ASMTL: variants seen among roughly 807,000 people sequenced by gnomAD.
The protein encoded by ASMTL is acetylserotonin O-methyltransferase like, also known as probable bifunctional dTTP/UTP pyrophosphatase/methyltransferase protein.
A neutral mutation model predicts 60.3 loss-of-function variants in ASMTL; 57 were observed. That is an observed-to-expected ratio of 0.95 (90% CI 0.76 to 1.18). ASMTL has a LOEUF of 1.18. Among genes scored for constraint, ASMTL ranks in the 50% most tolerant of loss-of-function variants. The probability of loss-of-function intolerance (pLI) is 0.00; values close to 1 mark genes in which losing one functional copy is unlikely to be tolerated. For missense variants in ASMTL, 981 were observed against 852.6 expected, an observed-to-expected ratio of 1.15 and a Z score of -1.88; for synonymous variants, 419 against 373.0, an observed-to-expected ratio of 1.12 and a Z score of -1.42.
chrX:1,452,709 C>A, intron 1 of ASMTL, 39 bp downstream of exon 1: 1 of 1,529,140 alleles, frequency 6.5e-7, no homozygotes, highest in Non-Finnish European at 8.8e-7. Flanking sequence ...TCAGCCCCTC[C>A]GTCCCCGGTC....
At chrX:1,445,900 G>A (rs1362980573) in intron 1 of ASMTL, among the ~76,000 whole-genome samples, 2 of 152,014 alleles carry the variant, frequency 1.3e-5, no homozygotes, top group East Asian at 1.9e-4. Context: ...ATGCCCAGAC[G>A]GGGTCACCAA....
chrX:1,422,497 T>C (rs2090508416), intron 8 of ASMTL, among the ~76,000 whole-genome samples: 1 of 152,096 alleles, frequency 6.6e-6, no homozygotes, highest in Non-Finnish European at 1.5e-5. Flanking sequence ...CCCCAAATGA[T>C]ACAGGGAACT....
chrX:1,406,405 T>C (rs1363899773), intron 12 of ASMTL, among the ~76,000 whole-genome samples: 1 of 151,136 alleles, frequency 6.6e-6, no homozygotes, highest in Non-Finnish European at 1.5e-5. Flanking sequence ...GATGAATGGA[T>C]GGATAGATGG....
At chrX:1,407,329 GGATA>G (rs2089900934) in intron 12 of ASMTL, among the ~76,000 whole-genome samples, 1 of 151,400 alleles carries the variant, frequency 6.6e-6, no homozygotes, top group East Asian at 1.9e-4. Flanking sequence ...ATGAATGGAT[GGATA>G]GATGGATGAG....
At position 1,421,628 on chromosome X, in the gene ASMTL, G is replaced by A. The variant is rs181570683; in HGVS notation, c.1245+30C>T. The A allele has an allele frequency of 4.3e-3, 6,988 of 1,612,748 alleles. 42 individuals are homozygous for A. The highest frequency in any genetic ancestry group is 5.7e-3 in the South Asian group (519 of 91,028). On this transcript the variant is annotated intron_variant, in intron 9 of 12. Coordinates refer to ENST00000381317, the MANE Select transcript of ASMTL (RefSeq NM_004192.4). ...TGTTTTAGCAAAATGCACGCTAGAC[G>A]GAAAGGTGTCCGCGGGGGTGTTATG...
chrX:1,413,509 G>T (rs1221014298), intron 11 of ASMTL, among the ~76,000 whole-genome samples: 2 of 152,236 alleles, frequency 1.3e-5, no homozygotes, highest in Admixed American at 1.3e-4. Context: ...GGCGCCCCAG[G>T]AGGGTTGCCT....
chrX:1,405,849 A>G (rs1354317766), intron 12 of ASMTL, among the ~76,000 whole-genome samples: 1 of 150,530 alleles, frequency 6.6e-6, no homozygotes, highest in Non-Finnish European at 1.5e-5. Context: ...GTACATAGGT[A>G]GATGGATGGA....
upstream of ASMTL, chrX:1,453,468 G>C (rs1164571433): frequency 6.3e-6 from 1 of 159,474 alleles, no homozygotes; most frequent in African/African-American, 2.4e-5. Context: ...GCGGCGCCAA[G>C]ACCTGCAATG....
intron 12 of ASMTL, among the ~76,000 whole-genome samples, chrX:1,404,712 GGATGCATGGATGA>G: frequency 6.8e-6 from 1 of 148,116 alleles, no homozygotes; most frequent in East Asian, 2.1e-4. Flanking sequence ...ATGGACAGAT[GGATGCATGGATGA>G]GATGGATGGA....
chrX:1,452,406 C>G (rs1335472199), intron 1 of ASMTL, among the ~76,000 whole-genome samples: 5 of 149,848 alleles, frequency 3.3e-5, no homozygotes, highest in Admixed American at 3.3e-4. Flanking sequence ...TCCGGGGTCA[C>G]TCTGCTGTCC....
intron 11 of ASMTL, among the ~76,000 whole-genome samples, chrX:1,417,035 ACACAAG>A (rs2090309040): frequency 5.8e-4 from 2 of 3,444 alleles, no homozygotes; most frequent in African/African-American, 6.2e-4. Context: ...AGAGACACAG[ACACAAG>A]CACAGCAGAT....
rs780819298 is a variant in ASMTL, at chrX:1,435,685, G to A, written c.338+9C>T. Reference sequence around the variant, plus strand: ...CCCGAGAGGGCTCAGAGGCCAACATGGTGCTTACCGGGACAGCATCCTGTA... The same window carrying A: ...CCCGAGAGGGCTCAGAGGCCAACATAGTGCTTACCGGGACAGCATCCTGTA... On this transcript the variant is annotated intron_variant, in intron 4 of 12. Coordinates refer to ENST00000381317, the MANE Select transcript of ASMTL (RefSeq NM_004192.4). 3.1e-6 allele frequency: 5 copies of A among 1,613,508 alleles called. No individual in the cohort carries two copies. The highest frequency in any genetic ancestry group is 4.2e-6 in the Non-Finnish European group (5 of 1,179,794).
Position 1,443,245 on chromosome X carries a change from G to A in ASMTL, c.94-928C>T, listed in dbSNP as rs746399324. Among the ~76,000 whole-genome samples, 260 of 28,954 alleles carry A rather than the reference G, an allele frequency of 9.0e-3. 6 individuals carry two copies. Among genetic ancestry groups the A allele is most frequent in the African/African-American group, 0.02 (240 of 12,250 alleles). The allele number at this position is 28,954 out of a possible 152,430, so 19.0% of individuals were successfully genotyped here. A position where few individuals can be genotyped will look rare whatever the true frequency, so the allele number is the denominator to read the frequency against. ...GTCGTCGTGCACACACACCGCCGTC[G>A]TGGACACACGCCGCCGTCTTGGACA... On this transcript the variant is annotated intron_variant, in intron 1 of 12. Transcript: ENST00000381317.
In ASMTL at chrX:1,427,735, T is replaced by C. The variant is rs772680421; in HGVS notation, c.896A>G (p.Lys299Arg). The change falls in exon 7 of 13, where the codon AAG becomes AGG. Residue 299 changes from lysine to arginine, a missense_variant and splice_region_variant. Coordinates refer to ENST00000381317, the MANE Select transcript of ASMTL (RefSeq NM_004192.4). The stretch of plus-strand genomic sequence containing the variant: ...GCCTGAGGAGACAGACACAGGTACC[T>C]TGGATAGCATAAAGCCCTCAATCAG... ...LELIEGFMLS[K>R]GLLTACKLKV... The C allele has an allele frequency of 5.0e-6, 8 of 1,604,076 alleles. No homozygotes were observed. The highest frequency in any genetic ancestry group is 3.3e-5 in the Admixed American group (2 of 59,718).
intron 12 of ASMTL, 75 bp downstream of exon 12, chrX:1,412,657 C>T: frequency 6.2e-7 from 1 of 1,604,976 alleles, no homozygotes; most frequent in South Asian, 1.1e-5. Context: ...GCCACCGCGC[C>T]CGGCCTCCTT....
intron 11 of ASMTL, among the ~76,000 whole-genome samples, chrX:1,414,778 C>T (rs1332681832): frequency 5.3e-5 from 8 of 152,068 alleles, no homozygotes; most frequent in African/African-American, 1.9e-4. Context: ...TCATGATGTC[C>T]TGCAGGAGGA....
chrX:1,403,457 C>T lies in ASMTL; in HGVS notation c.1678G>A (p.Asp560Asn), dbSNP rs373167327. The change falls in exon 13 of 13, where the codon GAT (aspartate) becomes AAT (asparagine). Residue 560 changes from aspartate to asparagine, a missense_variant. Physicochemically the swap from Asp to Asn is conservative, Grantham distance 23. Coordinates refer to ENST00000381317, the MANE Select transcript of ASMTL (RefSeq NM_004192.4). ...CGCTGCGCCACCCTCTTCTCCTCAT[C>T]CAGGAGCGTCTCCACCAGCAGCAGG... ...AGLLLVETLL[D>N]EEKRVAQRAL... The T allele has an allele frequency of 2.5e-5, 40 of 1,613,014 alleles. No individual in the cohort carries two copies. The highest frequency in any genetic ancestry group is 3.1e-5 in the Non-Finnish European group (37 of 1,179,862).
chrX:1,432,162 G>T, intron 6 of ASMTL, 107 bp downstream of exon 6: 2 of 897,662 alleles, frequency 2.2e-6, no homozygotes, highest in Non-Finnish European at 3.5e-6. Context: ...CACGGCCCCC[G>T]GAGCGGGGCC....
chrX:1,423,039 G>A (rs1388325118), intron 8 of ASMTL, among the ~76,000 whole-genome samples: 2 of 152,096 alleles, frequency 1.3e-5, no homozygotes, highest in East Asian at 1.9e-4. Context: ...TGCAAGCTCC[G>A]TCTCCTGGGT....
Sources: gnomAD v4.1 joint callset for allele counts (sites outside exome capture counted in the v4.1 genomes callset) on GRCh38, gnomAD v4.1.1 for gene constraint, MANE v1.5 for transcripts, NCBI Gene and HGNC (gene_info 2026-07-23, HGNC 2026-07-21) for gene names.